The following LDLRAD3 variants were observed in gnomAD, a reference collection of about 807,000 sequenced individuals.
LDLRAD3 encodes the protein low density lipoprotein receptor class A domain containing 3.
Under a neutral mutation model 29.4 loss-of-function variants are expected in LDLRAD3, and 20 were observed. That is an observed-to-expected ratio of 0.68 (90% CI 0.48 to 0.99). The LOEUF is 0.99. LDLRAD3 is among the 50% of genes least tolerant of loss of function. LDLRAD3 has a pLI of 0.00. For synonymous variants in LDLRAD3, 157 were observed against 192.7 expected, an observed-to-expected ratio of 0.81 and a Z score of 1.53; for missense variants, 420 against 454.3, an observed-to-expected ratio of 0.92 and a Z score of 0.69.
chr11:36,038,929 C>T (rs917360273), intron 2 of LDLRAD3, among the ~76,000 whole-genome samples: 3 of 151,738 alleles, frequency 2.0e-5, no homozygotes, highest in Non-Finnish European at 4.4e-5. Flanking sequence ...GAGAAAAAGT[C>T]CCTTTTCTAA....
chr11:35,960,095 A>G (rs1038727078), intron 1 of LDLRAD3, among the ~76,000 whole-genome samples: 3 of 152,178 alleles, frequency 2.0e-5, no homozygotes, highest in Non-Finnish European at 4.4e-5. Context: ...TCCCTTGCAT[A>G]GGATTTTAAA....
At chr11:36,091,007 A>G (rs987244426) in intron 3 of LDLRAD3, among the ~76,000 whole-genome samples, 1 of 152,148 alleles carries the variant, frequency 6.6e-6, no homozygotes, top group Non-Finnish European at 1.5e-5. Context: ...TGTTGTCGGG[A>G]TGATTTGCAG....
At chr11:36,046,625 G>T (rs192467374) in intron 2 of LDLRAD3, among the ~76,000 whole-genome samples, 1 of 152,166 alleles carries the variant, frequency 6.6e-6, no homozygotes, top group East Asian at 1.9e-4. Context: ...CCAAATATAA[G>T]GTCACATTCA....
chr11:36,017,986 A>C (rs1481153003), intron 1 of LDLRAD3, among the ~76,000 whole-genome samples: 1 of 152,176 alleles, frequency 6.6e-6, no homozygotes, highest in African/African-American at 2.4e-5. Flanking sequence ...AGAATTGTGT[A>C]AGCTGAACCA....
At chr11:36,080,315 C>A (rs1853094335) in intron 2 of LDLRAD3, among the ~76,000 whole-genome samples, 2 of 152,222 alleles carry the variant, frequency 1.3e-5, no homozygotes. Context: ...CCCCACAGGG[C>A]TGTTTGTTAT....
At chr11:36,120,437 T>C (rs953023415) in intron 4 of LDLRAD3, among the ~76,000 whole-genome samples, 2 of 152,216 alleles carry the variant, frequency 1.3e-5, no homozygotes, top group Non-Finnish European at 2.9e-5. Context: ...TAGTATGTGC[T>C]AGGCACTCTC....
intron 1 of LDLRAD3, among the ~76,000 whole-genome samples, chr11:35,972,978 G>A (rs1056797218): frequency 7.3e-5 from 11 of 151,100 alleles, no homozygotes; most frequent in South Asian, 4.2e-4. Context: ...ACTTGAACCC[G>A]GGAGGCAGAG....
chr11:36,076,924 C>G (rs968634470), intron 2 of LDLRAD3, among the ~76,000 whole-genome samples: 5 of 152,074 alleles, frequency 3.3e-5, no homozygotes, highest in Middle Eastern at 3.2e-3. Flanking sequence ...TTTTCTTCCC[C>G]ATCCCCTTCA....
rs534304215 is a variant in LDLRAD3, at chr11:36,020,392, G to A, written c.47-15711G>A. On this transcript the variant is annotated intron_variant, in intron 1 of 5. Transcript: ENST00000315571. ...TTAGTTCTGTAATCTTAAAATGCAT[G>A]CAAATAGGGACTGTCCACAAGATGG... is the stretch of plus-strand genomic sequence containing the variant. Among the ~76,000 whole-genome samples the A allele has an allele frequency of 1.8e-4, 28 of 152,314 alleles. No homozygotes were observed. In the South Asian group the frequency reaches 4.4e-3, roughly 24 times the overall value.
chr11:36,148,474 T>C (rs986994212), intron 4 of LDLRAD3, among the ~76,000 whole-genome samples: 1 of 152,164 alleles, frequency 6.6e-6, no homozygotes, highest in African/African-American at 2.4e-5. Context: ...GCCTTTATGA[T>C]TTTTCTCTCA....
At chr11:36,032,466 G>A (rs1005421295) in intron 1 of LDLRAD3, among the ~76,000 whole-genome samples, 1 of 152,206 alleles carries the variant, frequency 6.6e-6, no homozygotes, top group Non-Finnish European at 1.5e-5. Flanking sequence ...TCTGTGTGAA[G>A]AGAAGGACCT....
intron 4 of LDLRAD3, among the ~76,000 whole-genome samples, chr11:36,206,157 A>G (rs1056679259): frequency 6.6e-6 from 1 of 152,244 alleles, no homozygotes. Flanking sequence ...GCAAACATTC[A>G]TTCTTGAAAT....
At chr11:36,111,005 C>G (rs563769354) in intron 4 of LDLRAD3, among the ~76,000 whole-genome samples, 1 of 152,222 alleles carries the variant, frequency 6.6e-6, no homozygotes, top group African/African-American at 2.4e-5. Context: ...TTCTGTATGG[C>G]TGGAGCAAAG....
intron 4 of LDLRAD3, among the ~76,000 whole-genome samples, chr11:36,181,262 G>A (rs572570414): frequency 6.6e-6 from 1 of 151,390 alleles, no homozygotes; most frequent in African/African-American, 2.4e-5. Context: ...AGAATTACAG[G>A]ACTAAGGTGA....
At chr11:36,019,401 C>T (rs1852064857) in intron 1 of LDLRAD3, among the ~76,000 whole-genome samples, 1 of 152,210 alleles carries the variant, frequency 6.6e-6, no homozygotes, top group Non-Finnish European at 1.5e-5. Flanking sequence ...CTGGCATTTC[C>T]TATGTCAGTC....
chr11:36,100,147 C>T (rs1031245375), intron 4 of LDLRAD3, among the ~76,000 whole-genome samples: 1 of 152,172 alleles, frequency 6.6e-6, no homozygotes, highest in African/African-American at 2.4e-5. Context: ...CAGCCATCGG[C>T]GTTTTACTTA....
chr11:36,026,217 A>T (rs1021018271), intron 1 of LDLRAD3, among the ~76,000 whole-genome samples: 1 of 152,208 alleles, frequency 6.6e-6, no homozygotes, highest in African/African-American at 2.4e-5. Context: ...AGATTTACCT[A>T]TGTTGAGTGA....
chr11:36,191,597 T>C (rs572303434), intron 4 of LDLRAD3, among the ~76,000 whole-genome samples: 2,003 of 101,236 alleles, frequency 0.02, 37 homozygotes, highest in Admixed American at 0.03. Context: ...TATATATATA[T>C]ATACACACAC....
intron 3 of LDLRAD3, among the ~76,000 whole-genome samples, chr11:36,092,333 T>C (rs932399004): frequency 3.9e-5 from 6 of 152,184 alleles, no homozygotes; most frequent in African/African-American, 7.2e-5. Context: ...TGCATATATA[T>C]GGGGTACAGG....
Sources: allele counts gnomAD v4.1 joint callset (sites outside exome capture counted in the v4.1 genomes callset), GRCh38; gene constraint gnomAD v4.1.1; transcripts MANE v1.5; gene names NCBI Gene and HGNC (gene_info 2026-07-23, HGNC 2026-07-21).